KAZN: variants seen among roughly 807,000 people sequenced by gnomAD.
The protein encoded by KAZN is kazrin.
In KAZN, 40 loss-of-function variants were observed where a neutral mutation model predicts 87.4. That is an observed-to-expected ratio of 0.46 (90% CI 0.36 to 0.60). The LOEUF (loss-of-function observed/expected upper bound fraction) is 0.60. Ranked by LOEUF, KAZN falls within the 20% of genes least tolerant of loss-of-function variation. The pLI is 0.00. For missense variants in KAZN, 898 were observed against 1,073.9 expected, an observed-to-expected ratio of 0.84 and a Z score of 2.29; for synonymous variants, 466 against 458.3, an observed-to-expected ratio of 1.02 and a Z score of -0.22.
chr1:15,089,591 A>G (rs1278549984), intron 8 of KAZN, among the ~76,000 whole-genome samples: 1 of 152,222 alleles, frequency 6.6e-6, no homozygotes, highest in African/African-American at 2.4e-5. Context: ...TCAGCCTGAA[A>G]AAACAGACAT....
intron 1 of KAZN, among the ~76,000 whole-genome samples, chr1:14,167,570 A>C (rs751799962): frequency 3.9e-5 from 6 of 152,092 alleles, no homozygotes; most frequent in Non-Finnish European, 8.8e-5. Flanking sequence ...TAAAAATCTA[A>C]ACATTAGCCA....
intron 1 of KAZN, among the ~76,000 whole-genome samples, chr1:13,896,263 G>A (rs749787144): frequency 2.6e-5 from 4 of 152,074 alleles, no homozygotes; most frequent in Non-Finnish European, 5.9e-5. Context: ...AGCAGCCACA[G>A]ACAAAGTGTA....
At chr1:14,982,166 C>T (rs547824786) in intron 2 of KAZN, among the ~76,000 whole-genome samples, 1 of 152,292 alleles carries the variant, frequency 6.6e-6, no homozygotes, top group South Asian at 2.1e-4. Flanking sequence ...CTGGAAGGAA[C>T]TTGCAGCAGA....
chr1:13,988,758 A>G (rs1203551905), intron 1 of KAZN, among the ~76,000 whole-genome samples: 2 of 152,176 alleles, frequency 1.3e-5, no homozygotes, highest in African/African-American at 4.8e-5. Flanking sequence ...AAAAGTAGCT[A>G]TTGTCAAAAT....
intron 2 of KAZN, among the ~76,000 whole-genome samples, chr1:14,312,336 T>C (rs1197820685): frequency 6.6e-6 from 1 of 152,206 alleles, no homozygotes; most frequent in Admixed American, 6.5e-5. Flanking sequence ...CAATTAAAGC[T>C]GTGCACTTAC....
intron 1 of KAZN, among the ~76,000 whole-genome samples, chr1:14,642,263 G>A (rs908631658): frequency 6.6e-6 from 1 of 152,190 alleles, no homozygotes; most frequent in African/African-American, 2.4e-5. Flanking sequence ...AGCCAGGCGT[G>A]GTGGCGCGTG....
chr1:14,781,459 C>T (rs148372585), intron 1 of KAZN, among the ~76,000 whole-genome samples: 2,178 of 152,328 alleles, frequency 0.014, 59 homozygotes, highest in Admixed American at 0.067. Context: ...GGGTCAGCTT[C>T]AGAAGGGGAT....
At chr1:14,056,629 C>G (rs1439601648) in intron 1 of KAZN, among the ~76,000 whole-genome samples, 3 of 152,138 alleles carry the variant, frequency 2.0e-5, no homozygotes, top group African/African-American at 7.2e-5. Flanking sequence ...AATACGCCAC[C>G]CTTATGTCAC....
intron 2 of KAZN, among the ~76,000 whole-genome samples, chr1:15,009,687 G>C (rs1254647387): frequency 6.6e-6 from 1 of 152,180 alleles, no homozygotes; most frequent in Non-Finnish European, 1.5e-5. Context: ...ACTGGGCAGA[G>C]GCATAAAATG....
chr1:14,475,937 C>T lies in KAZN; in HGVS notation c.250-123046C>T, dbSNP rs145909761. Among the ~76,000 whole-genome samples, 392 of 152,022 alleles carry T rather than the reference C, an allele frequency of 2.6e-3. 2 individuals are homozygous for T. Among genetic ancestry groups the T allele is most frequent in the African/African-American group, 9.2e-3 (380 of 41,462 alleles). ...CTTCTTTTGTGTTATCTTGATAAATCCTGATTGAAGGGGAAAGAAGAGAAG... is the reference window on the plus strand; with the variant it reads ...CTTCTTTTGTGTTATCTTGATAAATTCTGATTGAAGGGGAAAGAAGAGAAG... On this transcript the variant is annotated intron_variant, in intron 2 of 16. Coordinates refer to the KAZN transcript ENST00000636203.
intron 2 of KAZN, among the ~76,000 whole-genome samples, chr1:14,181,908 G>A (rs1325106910): frequency 1.3e-5 from 2 of 152,176 alleles, no homozygotes; most frequent in South Asian, 2.1e-4. Flanking sequence ...AAGGCATTGT[G>A]TGTAAACTCC....
At chr1:13,934,296 G>T (rs1204580537) in intron 1 of KAZN, among the ~76,000 whole-genome samples, 1 of 152,162 alleles carries the variant, frequency 6.6e-6, no homozygotes, top group Non-Finnish European at 1.5e-5. Context: ...TGGGGCACTG[G>T]GGGTGTGTGA....
chr1:14,801,963 C>T (rs568331619), intron 1 of KAZN, among the ~76,000 whole-genome samples: 10 of 152,148 alleles, frequency 6.6e-5, no homozygotes, highest in South Asian at 2.1e-4. Context: ...GGATTACACG[C>T]GTCGGCCACC....
intron 1 of KAZN, among the ~76,000 whole-genome samples, chr1:14,669,006 G>C (rs1040619579): frequency 6.6e-6 from 1 of 152,206 alleles, no homozygotes; most frequent in Non-Finnish European, 1.5e-5. Context: ...CTTGGACAAA[G>C]GGGGATTTTC....
At chr1:14,415,890 A>G (rs1015886621) in intron 2 of KAZN, among the ~76,000 whole-genome samples, 40 of 152,124 alleles carry the variant, frequency 2.6e-4, no homozygotes, top group Middle Eastern at 3.2e-3. Flanking sequence ...GTGCTTCCCA[A>G]GCATGGCCAC....
At position 14,570,065 on chromosome 1, in the gene KAZN, A is replaced by T. The variant is rs1236666595; in HGVS notation, c.250-28918A>T. Among the ~76,000 whole-genome samples the T allele has an allele frequency of 2.6e-5, 4 of 152,062 alleles. No homozygotes were observed. The South Asian group carries it at 8.3e-4, about 32-fold the overall frequency. ...GAGGTAGAGGTTGCAGTGAGCCAAG[A>T]CTGCACCACGGCACTCCAGCCTGGG... On this transcript the variant is annotated intron_variant, in intron 2 of 16. Coordinates refer to the KAZN transcript ENST00000636203.
chr1:14,523,941 G>T (rs573738023), intron 2 of KAZN, among the ~76,000 whole-genome samples: 1 of 152,208 alleles, frequency 6.6e-6, no homozygotes. Context: ...AAGGGAGAGC[G>T]AGGTGTTGTT....
In KAZN at chr1:13,911,670, C is replaced by T. The variant is rs565417663; in HGVS notation, c.91+17914C>T. ...CACTTTGAAAATTTTCATTTTGAAA[C>T]CTGCCTCACAACATACATCACCTGG... On this transcript the variant is annotated intron_variant, in intron 1 of 16. Transcript: ENST00000636203. 2.6e-5 allele frequency among the ~76,000 whole-genome samples: 4 copies of T among 152,258 alleles called. No homozygotes were observed. In the East Asian group the frequency reaches 5.8e-4, roughly 22 times the overall value.
intron 2 of KAZN, among the ~76,000 whole-genome samples, chr1:14,441,246 C>T (rs1666685022): frequency 6.9e-6 from 1 of 145,160 alleles, no homozygotes; most frequent in African/African-American, 2.6e-5. Context: ...TCTGAATTAA[C>T]TTCCATGAGA....
Sources: allele counts gnomAD v4.1 joint callset (sites outside exome capture counted in the v4.1 genomes callset), GRCh38; gene constraint gnomAD v4.1.1; transcripts MANE v1.5; gene names NCBI Gene and HGNC (gene_info 2026-07-23, HGNC 2026-07-21).